ZSWIM4: variants seen among roughly 807,000 people sequenced by gnomAD.
ZSWIM4 encodes the protein zinc finger SWIM domain-containing protein 4.
A neutral mutation model predicts 102.5 loss-of-function variants in ZSWIM4; 62 were observed. That is an observed-to-expected ratio of 0.60 (90% CI 0.49 to 0.75). The LOEUF is 0.75. ZSWIM4 is among the 30% of genes least tolerant of loss of function. The probability of loss-of-function intolerance (pLI) is 0.00; values close to 1 mark genes in which losing one functional copy is unlikely to be tolerated. For missense variants in ZSWIM4, 1,280 were observed against 1,529.6 expected, an observed-to-expected ratio of 0.84 and a Z score of 2.72; for synonymous variants, 652 against 674.5, an observed-to-expected ratio of 0.97 and a Z score of 0.52.
chr19:13,810,462 A>T (rs113279872), intron 5 of ZSWIM4, among the ~76,000 whole-genome samples: 2,794 of 147,050 alleles, frequency 0.019, 85 homozygotes, highest in African/African-American at 0.067. Flanking sequence ...CTAGCTAATT[A>T]TTGTATTTTT....
At position 13,817,288 on chromosome 19, in the gene ZSWIM4, G is replaced by T. The variant is rs775989919; in HGVS notation, c.1604G>T (p.Gly535Val). 3 of 1,614,072 alleles carry T rather than the reference G, an allele frequency of 1.9e-6. No individual in the cohort carries two copies. The highest frequency in any genetic ancestry group is 2.5e-6 in the Non-Finnish European group (3 of 1,179,946). ...GWVGHPLDPI[G>V]CLCRALLEAC... ...GTGGGGCACCCCCTGGACCCCATTG[G>T]CTGCCTCTGCAGGGCGCTCCTGGAG... is the stretch of plus-strand genomic sequence containing the variant. Residue 535 changes from glycine to valine, a missense_variant, in exon 8 of 14, where the codon GGC (glycine) becomes GTC (valine). By Grantham distance (109) the Gly-to-Val change is moderately radical. Transcript: ENST00000590508.
chr19:13,819,251 C>T lies in ZSWIM4; in HGVS notation c.1925-106C>T. On this transcript the variant is annotated intron_variant, in intron 9 of 13. Transcript: ENST00000590508. ...GACCCATCTAGCCACAGCCACTCTA[C>T]CCAGGGGCCAGCCCACCCTCTACTT... is the stretch of plus-strand genomic sequence containing the variant. The T allele has an allele frequency of 2.7e-6, 4 of 1,494,526 alleles. No homozygotes were observed. The Middle Eastern group carries it at 5.8e-4, about 217-fold the overall frequency. 92.6% of individuals were successfully genotyped at this position (1,494,526 alleles called of 1,614,324 possible). A position where few individuals can be genotyped will look rare whatever the true frequency, so the allele number is the denominator to read the frequency against.
rs769810063 is a variant in ZSWIM4 at position 13,809,199 on chromosome 19, C to T, written c.991C>T (p.Arg331Trp). The T allele has an allele frequency of 5.0e-6, 8 of 1,609,262 alleles. No individual in the cohort carries two copies. The highest frequency in any genetic ancestry group is 1.7e-4 in the Middle Eastern group (1 of 6,060). The change falls in exon 5 of 14, where the codon CGG becomes TGG. Residue 331 changes from arginine to tryptophan, a missense_variant. By Grantham distance (101) the Arg-to-Trp change is moderately radical (BLOSUM62 -3). Coordinates refer to ENST00000590508, the MANE Select transcript of ZSWIM4 (RefSeq NM_001367834.3). The surrounding 1 kb of genome is among the most constrained non-coding windows in gnomAD (Gnocchi z 4.2). ...GGGCGCGGGCATGACGGACAAGTGCCGGCAGCTCTGGGATGAGCTGGGTGA... is the reference window on the plus strand; with the variant it reads ...GGGCGCGGGCATGACGGACAAGTGCTGGCAGCTCTGGGATGAGCTGGGTGA... ...QQGAGMTDKC[R>W]QLWDELGALW...
intron 12 of ZSWIM4, among the ~76,000 whole-genome samples, chr19:13,828,046 T>A (rs1975659510): frequency 6.6e-6 from 1 of 152,112 alleles, no homozygotes; most frequent in African/African-American, 2.4e-5. Context: ...AGAGCTGACA[T>A]TACCTGAGAG....
rs1323574103 is a variant in ZSWIM4, at chr19:13,830,467, C to A, written c.2738C>A (p.Ala913Glu). ...GCCTACCAGATCGTGCTGGACGCGG[C>A]GGCCGGCGGCCTGGGCCACGCCCAC... ...EAAYQIVLDA[A>E]AGGLGHAHLF... The change falls in exon 14 of 14, where the codon GCG (alanine) becomes GAG (glutamate). Residue 913 changes from alanine to glutamate, a missense_variant. Coordinates refer to ENST00000590508, the MANE Select transcript of ZSWIM4 (RefSeq NM_001367834.3). 6.2e-7 allele frequency: 1 copy of A among 1,603,730 alleles called. No homozygotes were observed. The highest frequency in any genetic ancestry group is 1.7e-5 in the Admixed American group (1 of 59,998).
In ZSWIM4 at chr19:13,805,043, T is replaced by G; in HGVS notation, c.607T>G (p.Phe203Val). Residue 203 changes from phenylalanine to valine, a missense_variant, in exon 3 of 14, where the codon TTC (phenylalanine) becomes GTC (valine). By Grantham distance (50) the Phe-to-Val change is conservative (BLOSUM62 -1). Transcript: ENST00000590508. ...GATGAACCGGGACCAGCTGCAGAAGTTCGTGCAGTACCTCATCAGCGCCCA... is the reference window on the plus strand; with the variant it reads ...GATGAACCGGGACCAGCTGCAGAAGGTCGTGCAGTACCTCATCAGCGCCCA... ...SQMNRDQLQKFVQYLISAHHT... is the reference protein window; with the variant it reads ...SQMNRDQLQKVVQYLISAHHT... The G allele has an allele frequency of 4.3e-6, 7 of 1,610,728 alleles. No individual in the cohort carries two copies. The highest frequency in any genetic ancestry group is 5.9e-6 in the Non-Finnish European group (7 of 1,179,952).
chr19:13,807,161 C>T (rs1039035048), intron 3 of ZSWIM4, among the ~76,000 whole-genome samples: 6 of 151,596 alleles, frequency 4.0e-5, no homozygotes, highest in African/African-American at 1.2e-4. Context: ...GTGGTTAGTT[C>T]ACGTGGATTG....
At chr19:13,819,009 C>A (rs183059660) in intron 9 of ZSWIM4, among the ~76,000 whole-genome samples, 12 of 151,926 alleles carry the variant, frequency 7.9e-5, no homozygotes, top group African/African-American at 1.7e-4. Flanking sequence ...ACTACTTGCG[C>A]CTGCCACCAC....
rs138032036 is a variant in ZSWIM4 at position 13,799,755 on chromosome 19, C to G, written c.189C>G (p.Val63=). The change falls in exon 2 of 14, where the codon GTC becomes GTG. Residue 63 remains valine (V), a synonymous_variant. Transcript: ENST00000590508. ...EERFSRVPEP[V]QKRIVFWSFP... is the part of the protein sequence containing the mutation. Reference sequence around the variant, plus strand: ...GGTTCTCCCGGGTGCCTGAGCCCGTCCAGAAGCGCATCGTGTTTTGGTCGT... The same window carrying G: ...GGTTCTCCCGGGTGCCTGAGCCCGTGCAGAAGCGCATCGTGTTTTGGTCGT... 5.0e-6 allele frequency: 8 copies of G among 1,613,972 alleles called. No homozygotes were observed. Among genetic ancestry groups the G allele is most frequent in the Non-Finnish European group, 6.8e-6 (8 of 1,180,030 alleles).
intron 7 of ZSWIM4, among the ~76,000 whole-genome samples, chr19:13,815,811 C>T (rs1975262588): frequency 6.6e-6 from 1 of 151,604 alleles, no homozygotes; most frequent in Non-Finnish European, 1.5e-5. Context: ...TGGTGGCGCA[C>T]ACCTGTATTT....
At position 13,817,337 on chromosome 19, in the gene ZSWIM4, A is replaced by C; in HGVS notation, c.1653A>C (p.Thr551=). The change falls in exon 8 of 14, where the codon ACA becomes ACC. Residue 551 remains threonine (T), a synonymous_variant. Coordinates refer to ENST00000590508, the MANE Select transcript of ZSWIM4 (RefSeq NM_001367834.3). ...LLEACRLEEE[T]LTLYPDSGPE... The stretch of plus-strand genomic sequence containing the variant: ...AGGCCTGTCGTCTGGAGGAGGAGAC[A>C]CTTACCCTTTACCCAGGTACTCACA... The C allele has an allele frequency of 1.2e-6, 2 of 1,613,610 alleles. No individual in the cohort carries two copies. Among genetic ancestry groups the C allele is most frequent in the Non-Finnish European group, 1.7e-6 (2 of 1,179,690 alleles).
rs770369604 is a variant in ZSWIM4 at position 13,825,716 on chromosome 19, G to A, written c.2379+3G>A. 3.1e-6 allele frequency: 5 copies of A among 1,606,568 alleles called. No homozygotes were observed. In the African/African-American group the frequency reaches 6.7e-5, roughly 21 times the overall value. Reference sequence around the variant, plus strand: ...TCGCACTGGAGCTGGGGCTGCAGGTGAGGGCTGCCAGGTGGATGCGGGAGG... The same window carrying A: ...TCGCACTGGAGCTGGGGCTGCAGGTAAGGGCTGCCAGGTGGATGCGGGAGG... On this transcript the variant is annotated splice_donor_region_variant and intron_variant, in intron 12 of 13. Coordinates refer to ENST00000590508, the MANE Select transcript of ZSWIM4 (RefSeq NM_001367834.3). This position sits in a 1 kb window ranked among gnomAD's most constrained non-coding sequence, Gnocchi z 4.6.
Position 13,830,287 on chromosome 19 carries a change from C to T in ZSWIM4, c.2558C>T (p.Ala853Val), listed in dbSNP as rs777696329. 3.7e-6 allele frequency: 6 copies of T among 1,613,956 alleles called. No individual in the cohort carries two copies. Among genetic ancestry groups the T allele is most frequent in the Non-Finnish European group, 5.1e-6 (6 of 1,180,030 alleles). ...GTGGCAGTGACGGGCACCACACACG[C>T]CACTCTGCTGCGACTGCAGCTGGAC... ...TIVAVTGTTH[A>V]TLLRLQLDTS... Residue 853 changes from alanine (A) to valine (V), a missense_variant, in exon 14 of 14, where the codon GCC becomes GTC. Coordinates refer to ENST00000590508, the MANE Select transcript of ZSWIM4 (RefSeq NM_001367834.3).
At chr19:13,802,069 G>T (rs62124245) in intron 2 of ZSWIM4, among the ~76,000 whole-genome samples, 66,171 of 147,138 alleles carry the variant, frequency 0.45, 17,946 homozygotes, top group African/African-American at 0.78. Flanking sequence ...TCCACTTCCT[G>T]GGTTCACACC....
chr19:13,817,982 G>A lies in ZSWIM4; in HGVS notation c.1924+6G>A. On this transcript the variant is annotated splice_donor_region_variant and intron_variant, in intron 9 of 13. Coordinates refer to ENST00000590508, the MANE Select transcript of ZSWIM4 (RefSeq NM_001367834.3). Reference sequence around the variant, plus strand: ...GGCGGGGCTGCTGCTGGAAGGTGAGGCCGCGCCCCTAGGCCTGGCTGTTGC... The same window carrying A: ...GGCGGGGCTGCTGCTGGAAGGTGAGACCGCGCCCCTAGGCCTGGCTGTTGC... 2.0e-6 allele frequency: 3 copies of A among 1,497,668 alleles called. No individual in the cohort carries two copies. The African/African-American group carries it at 4.2e-5, about 21-fold the overall frequency. The allele number at this position is 1,497,668 out of a possible 1,614,324, so 92.8% of individuals were successfully genotyped here.
chr19:13,805,928 G>A (rs1599586657), intron 3 of ZSWIM4, among the ~76,000 whole-genome samples: 1 of 148,926 alleles, frequency 6.7e-6, no homozygotes. Flanking sequence ...CTGACATCGC[G>A]CCATTGCACT....
chr19:13,800,227 G>C (rs1599578494), intron 2 of ZSWIM4, among the ~76,000 whole-genome samples: 1 of 124,242 alleles, frequency 8.0e-6, no homozygotes, highest in Non-Finnish European at 1.7e-5. Flanking sequence ...ACCGCGCCCA[G>C]CTAATTTTTT....
chr19:13,818,457 G>A (rs1212422984), intron 9 of ZSWIM4, among the ~76,000 whole-genome samples: 1 of 152,138 alleles, frequency 6.6e-6, no homozygotes, highest in Admixed American at 6.6e-5. Flanking sequence ...CGCTGGTCCC[G>A]TTCCCCAAGG....
intron 5 of ZSWIM4, 69 bp from the exon 6 acceptor site, chr19:13,812,927 TG>T: frequency 6.7e-7 from 1 of 1,495,128 alleles, no homozygotes; most frequent in Non-Finnish European, 9.1e-7. Flanking sequence ...TGGCACACAG[TG>T]GGCACTGCGG....
Sources: gnomAD v4.1 joint callset for allele counts (sites outside exome capture counted in the v4.1 genomes callset) on GRCh38, gnomAD v4.1.1 for gene constraint, Gnocchi (gnomAD v3.1) non-coding constraint, MANE v1.5 for transcripts, NCBI Gene and HGNC (gene_info 2026-07-23, HGNC 2026-07-21) for gene names.